CTNNA3: variants seen among roughly 807,000 people sequenced by gnomAD.
The protein encoded by CTNNA3 is catenin alpha-3.
In CTNNA3, 76 loss-of-function variants were observed where a neutral mutation model predicts 95.7. The ratio of observed to expected loss-of-function variants is 0.79; its 90% CI spans 0.66 to 0.96. The LOEUF is 0.96. Among genes scored for constraint, CTNNA3 ranks in the 40% least tolerant of loss-of-function variants. The pLI is 0.00. For missense variants in CTNNA3, 1,191 were observed against 1,089.8 expected (o/e 1.09, Z -1.31); for synonymous variants, 431 against 374.4 (o/e 1.15, Z -1.74).
intron 7 of CTNNA3, among the ~76,000 whole-genome samples, chr10:66,974,995 T>C (rs1436830193): frequency 6.6e-6 from 1 of 152,124 alleles, no homozygotes; most frequent in Non-Finnish European, 1.5e-5. Flanking sequence ...TCTGAAACAA[T>C]AGGCCTGGAA....
intron 9 of CTNNA3, among the ~76,000 whole-genome samples, chr10:66,623,063 A>G (rs1844806934): frequency 6.6e-6 from 1 of 152,066 alleles, no homozygotes. Flanking sequence ...AACTTTCATA[A>G]TTTCTGACAC....
At chr10:67,283,512 T>C (rs1305824904) in intron 5 of CTNNA3, among the ~76,000 whole-genome samples, 1 of 152,152 alleles carries the variant, frequency 6.6e-6, no homozygotes, top group Admixed American at 6.5e-5. Flanking sequence ...TCCAAAGTCC[T>C]AGTAGGTCAC....
chr10:66,997,308 C>G (rs764533640), intron 7 of CTNNA3, among the ~76,000 whole-genome samples: 2 of 152,130 alleles, frequency 1.3e-5, no homozygotes, highest in Non-Finnish European at 2.9e-5. Flanking sequence ...GTGACTGATA[C>G]AATCTGAGCA....
intron 13 of CTNNA3, among the ~76,000 whole-genome samples, chr10:66,108,847 A>C (rs2082007703): frequency 6.6e-6 from 1 of 152,186 alleles, no homozygotes; most frequent in Non-Finnish European, 1.5e-5. Context: ...GAGAATGTAT[A>C]ATCCTTTGCC....
At chr10:66,647,897 G>A (rs1845762986) in intron 9 of CTNNA3, among the ~76,000 whole-genome samples, 1 of 152,076 alleles carries the variant, frequency 6.6e-6, no homozygotes, top group Non-Finnish European at 1.5e-5. Flanking sequence ...ATTCAGTGCT[G>A]GAATGATAAT....
intron 3 of CTNNA3, among the ~76,000 whole-genome samples, chr10:67,578,783 TTTC>T (rs1459539070): frequency 6.6e-6 from 1 of 150,782 alleles, no homozygotes; most frequent in Non-Finnish European, 1.5e-5. Flanking sequence ...GTATATGGTC[TTTC>T]TTATTTTCAG....
At chr10:66,151,633 C>T (rs1323342284) in intron 13 of CTNNA3, among the ~76,000 whole-genome samples, 1 of 151,826 alleles carries the variant, frequency 6.6e-6, no homozygotes, top group Non-Finnish European at 1.5e-5. Flanking sequence ...CTGTAAATAT[C>T]TGATAAAAAG....
chr10:66,974,444 T>C (rs1310353373), intron 7 of CTNNA3, among the ~76,000 whole-genome samples: 3 of 152,216 alleles, frequency 2.0e-5, no homozygotes, highest in African/African-American at 7.2e-5. Context: ...TTTTGACTAT[T>C]GTGAATTAAG....
chr10:67,350,186 G>A (rs537852907), intron 5 of CTNNA3, among the ~76,000 whole-genome samples: 3 of 152,174 alleles, frequency 2.0e-5, no homozygotes, highest in African/African-American at 7.2e-5. Context: ...GCGTGTGGCA[G>A]AGCTGAGAAT....
At chr10:66,174,632 T>A (rs1223879589) in intron 13 of CTNNA3, among the ~76,000 whole-genome samples, 1 of 152,022 alleles carries the variant, frequency 6.6e-6, no homozygotes, top group Non-Finnish European at 1.5e-5. Flanking sequence ...ATTTGCAGGA[T>A]GTGAAACCTG....
chr10:66,920,845 T>G (rs1260326556), intron 7 of CTNNA3, among the ~76,000 whole-genome samples: 4 of 152,190 alleles, frequency 2.6e-5, no homozygotes, highest in Non-Finnish European at 5.9e-5. Context: ...CACTTCTATT[T>G]CCTTAGAAAA....
intron 1 of CTNNA3, among the ~76,000 whole-genome samples, chr10:67,690,754 C>T (rs1840829594): frequency 6.6e-6 from 1 of 152,198 alleles, no homozygotes; most frequent in South Asian, 2.1e-4. Context: ...TACAGTGTAA[C>T]TTAAGCAACG....
At chr10:67,703,868 T>G (rs1841060682) in intron 1 of CTNNA3, among the ~76,000 whole-genome samples, 1 of 152,214 alleles carries the variant, frequency 6.6e-6, no homozygotes. Context: ...ATTGTATATC[T>G]AGAAAACCCC....
At chr10:66,098,189 A>G (rs1357328280) in intron 14 of CTNNA3, 6 of 152,214 alleles carry the variant, frequency 3.9e-5, no homozygotes, top group African/African-American at 7.2e-5. Context: ...TTAACAAACC[A>G]TCTTTCTAGT....
intron 7 of CTNNA3, among the ~76,000 whole-genome samples, chr10:66,874,761 G>A (rs1476409535): frequency 2.6e-5 from 4 of 152,116 alleles, no homozygotes; most frequent in African/African-American, 9.7e-5. Flanking sequence ...GTACTAGACT[G>A]ACAAGGTTCT....
chr10:66,178,938 C>CAT (rs572763620), intron 13 of CTNNA3, among the ~76,000 whole-genome samples: 1 of 151,946 alleles, frequency 6.6e-6, no homozygotes, highest in Non-Finnish European at 1.5e-5. Flanking sequence ...CTGTGTCACT[C>CAT]ATACATGGCT....
chr10:67,448,357 T>C (rs1195272921), intron 5 of CTNNA3, among the ~76,000 whole-genome samples: 5 of 152,182 alleles, frequency 3.3e-5, no homozygotes, highest in Non-Finnish European at 2.9e-5. Flanking sequence ...CAGAAAGTGA[T>C]AGAATAATTC....
At chr10:67,363,745 A>G (rs1330824169) in intron 5 of CTNNA3, among the ~76,000 whole-genome samples, 1 of 152,222 alleles carries the variant, frequency 6.6e-6, no homozygotes, top group Non-Finnish European at 1.5e-5. Flanking sequence ...AAATTCCTGG[A>G]CACATACACT....
intron 7 of CTNNA3, among the ~76,000 whole-genome samples, chr10:66,876,220 T>G (rs2132454040): frequency 6.6e-6 from 1 of 152,172 alleles, no homozygotes; most frequent in African/African-American, 2.4e-5. Context: ...CTCTGAAAAC[T>G]TGTCGGAAAA....
Sources: gnomAD v4.1 joint callset for allele counts (sites outside exome capture counted in the v4.1 genomes callset) on GRCh38, gnomAD v4.1.1 for gene constraint, MANE v1.5 for transcripts, NCBI Gene and HGNC (gene_info 2026-07-23, HGNC 2026-07-21) for gene names.